The following CACNA1D variants were observed in gnomAD, a reference collection of about 807,000 sequenced individuals.
The protein encoded by CACNA1D is voltage-dependent L-type calcium channel subunit alpha-1D.
In CACNA1D, 55 loss-of-function variants were observed where a neutral mutation model predicts 257.1. The ratio of observed to expected loss-of-function variants is 0.21; its 90% CI spans 0.17 to 0.27. The LOEUF is 0.27. Among genes scored for constraint, CACNA1D ranks in the 10% least tolerant of loss-of-function variants. CACNA1D has a pLI of 1.00. For missense variants in CACNA1D, 1,876 were observed against 2,784.0 expected (o/e 0.67, Z 7.34); for synonymous variants, 980 against 1,014.9 (o/e 0.97, Z 0.65).
In CACNA1D at chr3:53,804,979, C is replaced by T; in HGVS notation, c.5586-4C>T. On this transcript the variant is annotated splice_region_variant and splice_polypyrimidine_tract_variant and intron_variant, in intron 44 of 47. Coordinates refer to ENST00000350061, the MANE Select transcript of CACNA1D (RefSeq NM_001128840.3). ...ACCTTACTGCCCTCCTCTCTGACCT[C>T]CAGGCAAAACTATGGCTACTACAGC... The T allele has an allele frequency of 1.2e-6, 2 of 1,614,034 alleles. No homozygotes were observed. Among genetic ancestry groups the T allele is most frequent in the Non-Finnish European group, 1.7e-6 (2 of 1,179,920 alleles).
At position 53,495,326 on chromosome 3, in the gene CACNA1D, G is replaced by A; in HGVS notation, c.67+93G>A. On this transcript the variant is annotated intron_variant, in intron 1 of 47. Transcript: ENST00000350061. The surrounding 1 kb of genome is among the most constrained non-coding windows in gnomAD (Gnocchi z 5.1). ...CCTTCCCCGCGGCGCTGGATGGGTTGAGGGGGTTGGAGAGGGTGCTGCCAG... is the reference window on the plus strand; with the variant it reads ...CCTTCCCCGCGGCGCTGGATGGGTTAAGGGGGTTGGAGAGGGTGCTGCCAG... The A allele has an allele frequency of 6.7e-7, 1 of 1,483,516 alleles. No homozygotes were observed. The highest frequency in any genetic ancestry group is 9.4e-7 in the Non-Finnish European group (1 of 1,064,134). The allele number at this position is 1,483,516 out of a possible 1,614,324, so 91.9% of individuals were successfully genotyped here.
At chr3:53,796,294 AG>A (rs760371988) in intron 40 of CACNA1D, 2 of 455,662 alleles carry the variant, frequency 4.4e-6, no homozygotes, top group African/African-American at 2.0e-5. Context: ...TCTGCCAGGC[AG>A]GGTTCTTTGG....
At chr3:53,573,814 T>C (rs1336371810) in intron 3 of CACNA1D, among the ~76,000 whole-genome samples, 1 of 152,244 alleles carries the variant, frequency 6.6e-6, no homozygotes, top group Non-Finnish European at 1.5e-5. Flanking sequence ...CATAGTGGGC[T>C]CTCCTTATCC....
At chr3:53,530,263 A>T (rs2091904647) in intron 3 of CACNA1D, 1 of 152,218 alleles carries the variant, frequency 6.6e-6, no homozygotes, top group Non-Finnish European at 1.5e-5. Flanking sequence ...TCCCATAGTG[A>T]TGGTGCATCC....
intron 40 of CACNA1D, chr3:53,791,004 T>C (rs1166743628): frequency 1.4e-6 from 1 of 702,224 alleles, no homozygotes; most frequent in Non-Finnish European, 2.6e-6. Context: ...TGCTTTAGAA[T>C]TTTCTGCCTG....
chr3:53,706,689 A>C (rs1382994775), intron 9 of CACNA1D, among the ~76,000 whole-genome samples: 1 of 152,142 alleles, frequency 6.6e-6, no homozygotes, highest in East Asian at 1.9e-4. Flanking sequence ...CATAGCGGTG[A>C]AGTCTGGGCT....
Position 53,753,749 on chromosome 3 carries a change from T to C in CACNA1D, c.3786+67T>C. ...ACCCTAGAGAAGTACCCGCTTCCTG[T>C]TAGTCTTGTGTTACTGAATTATGCT... is the stretch of plus-strand genomic sequence containing the variant. On this transcript the variant is annotated intron_variant, in intron 29 of 47. Coordinates refer to ENST00000350061, the MANE Select transcript of CACNA1D (RefSeq NM_001128840.3). 6 of 925,950 alleles carry C rather than the reference T, an allele frequency of 6.5e-6. No homozygotes were observed. In the South Asian group the frequency reaches 7.8e-5, roughly 12 times the overall value. 57.4% of individuals were successfully genotyped at this position (925,950 alleles called of 1,614,324 possible). A position where few individuals can be genotyped will look rare whatever the true frequency, so the allele number is the denominator to read the frequency against.
At chr3:53,540,362 G>A (rs2092265311) in intron 3 of CACNA1D, among the ~76,000 whole-genome samples, 1 of 151,404 alleles carries the variant, frequency 6.6e-6, no homozygotes, top group African/African-American at 2.4e-5. Context: ...CTGACCTCAA[G>A]CAATCTGCCC....
intron 8 of CACNA1D, among the ~76,000 whole-genome samples, chr3:53,691,806 AT>A (rs1467220190): frequency 9.5e-6 from 1 of 104,792 alleles, no homozygotes; most frequent in Non-Finnish European, 1.9e-5. Context: ...TACATATATA[AT>A]ATATATTATA....
intron 20 of CACNA1D, among the ~76,000 whole-genome samples, chr3:53,739,732 G>T (rs2095096267): frequency 6.6e-6 from 1 of 152,172 alleles, no homozygotes; most frequent in South Asian, 2.1e-4. Flanking sequence ...GACTTAGCCA[G>T]CCCAGCGCAT....
chr3:53,666,242 G>A (rs892333727), intron 6 of CACNA1D, 97 bp from the exon 7 acceptor site: 13 of 1,105,696 alleles, frequency 1.2e-5, no homozygotes, highest in African/African-American at 4.6e-5. Context: ...GGGGCGGTAG[G>A]GTGTCCCGGG....
intron 23 of CACNA1D, among the ~76,000 whole-genome samples, chr3:53,745,289 A>G (rs1254172562): frequency 1.3e-4 from 19 of 150,660 alleles, no homozygotes; most frequent in Admixed American, 9.9e-4. Context: ...TGCCCAGGCT[A>G]GAGTGCAGTG....
rs371561651 is a variant in CACNA1D, at chr3:53,801,434, G to A, written c.5408+9G>A. 9 of 1,613,460 alleles carry A rather than the reference G, an allele frequency of 5.6e-6. No individual in the cohort carries two copies. In the African/African-American group the frequency reaches 1.1e-4, roughly 19 times the overall value. On this transcript the variant is annotated intron_variant, in intron 42 of 47. Coordinates refer to ENST00000350061, the MANE Select transcript of CACNA1D (RefSeq NM_001128840.3). Reference sequence around the variant, plus strand: ...AGGTCCAGTGTGAAAAGGTAACCTTGACAATGTGTTTGGACTTGCTCATGT... The same window carrying A: ...AGGTCCAGTGTGAAAAGGTAACCTTAACAATGTGTTTGGACTTGCTCATGT...
chr3:53,646,715 C>G (rs1327462336), intron 3 of CACNA1D, among the ~76,000 whole-genome samples: 1 of 152,198 alleles, frequency 6.6e-6, no homozygotes, highest in Non-Finnish European at 1.5e-5. Context: ...GTGACTCTTA[C>G]CTGGCTGCAT....
At chr3:53,625,712 C>G (rs2093750583) in intron 3 of CACNA1D, among the ~76,000 whole-genome samples, 1 of 152,216 alleles carries the variant, frequency 6.6e-6, no homozygotes, top group African/African-American at 2.4e-5. Context: ...TTTGCCGAAA[C>G]TATAATCCAT....
At chr3:53,638,188 G>A (rs574103010) in intron 3 of CACNA1D, among the ~76,000 whole-genome samples, 5 of 152,266 alleles carry the variant, frequency 3.3e-5, no homozygotes, top group Admixed American at 1.3e-4. Flanking sequence ...ATTGGGCCTG[G>A]GGATCTGGGC....
chr3:53,693,458 G>A (rs1392526686), intron 8 of CACNA1D, among the ~76,000 whole-genome samples: 1 of 131,598 alleles, frequency 7.6e-6, no homozygotes, highest in Non-Finnish European at 1.6e-5. Context: ...ACACATTGCT[G>A]TTATTTTTTT....
At chr3:53,691,391 C>T (rs2094518011) in intron 8 of CACNA1D, among the ~76,000 whole-genome samples, 1 of 151,880 alleles carries the variant, frequency 6.6e-6, no homozygotes, top group Non-Finnish European at 1.5e-5. Context: ...CTGCCCGTCT[C>T]GGCCTCCCAA....
chr3:53,520,584 G>A (rs2091514749), intron 3 of CACNA1D, among the ~76,000 whole-genome samples: 1 of 152,144 alleles, frequency 6.6e-6, no homozygotes, highest in South Asian at 2.1e-4. Flanking sequence ...TGGCCAGCAT[G>A]GTGAAACCCT....
Sources: allele counts gnomAD v4.1 joint callset (sites outside exome capture counted in the v4.1 genomes callset), GRCh38; gene constraint gnomAD v4.1.1; non-coding constraint Gnocchi (gnomAD v3.1); transcripts MANE v1.5; gene names NCBI Gene and HGNC (gene_info 2026-07-23, HGNC 2026-07-21).